Variants in CNTN4 observed in about 807,000 individuals in gnomAD.
The protein encoded by CNTN4 is contactin-4.
CNTN4 carries 77 observed loss-of-function variants against 122.5 expected under a neutral mutation model. That is an observed-to-expected ratio of 0.63 (90% confidence interval 0.52 to 0.76). The LOEUF is 0.76. Ranked by LOEUF, CNTN4 falls within the 30% of genes least tolerant of loss-of-function variation. The pLI is 0.00. For missense variants in CNTN4, 1,256 were observed against 1,259.1 expected, an observed-to-expected ratio of 1.00 and a Z score of 0.04; for synonymous variants, 512 against 447.0, an observed-to-expected ratio of 1.15 and a Z score of -1.83.
At chr3:2,484,878 G>C (rs920422222) in intron 3 of CNTN4, among the ~76,000 whole-genome samples, 2 of 152,214 alleles carry the variant, frequency 1.3e-5, no homozygotes, top group African/African-American at 4.8e-5. Flanking sequence ...GGCCGAGGCT[G>C]AGCCAGCTCC....
At chr3:2,731,414 G>A (rs1204337561) in intron 4 of CNTN4, among the ~76,000 whole-genome samples, 1 of 152,100 alleles carries the variant, frequency 6.6e-6, no homozygotes, top group Non-Finnish European at 1.5e-5. Context: ...TGATTGGCAG[G>A]TACCTAGTTA....
At position 2,591,563 on chromosome 3, in the gene CNTN4, A is replaced by G. The variant is rs1353931221; in HGVS notation, c.55+20005A>G. ...GTATTTTTAGTAGAGACGGGGTTTC[A>G]CCGTTTTAGCCAGGATGGTCTCGAT... On this transcript the variant is annotated intron_variant, in intron 4 of 24. Coordinates refer to ENST00000418658, the MANE Select transcript of CNTN4 (RefSeq NM_175607.3). Among the ~76,000 whole-genome samples the G allele has an allele frequency of 1.3e-4, 13 of 103,540 alleles. 3 individuals carry two copies. The South Asian group carries it at 5.2e-3, about 41-fold the overall frequency. 67.9% of individuals were successfully genotyped at this position (103,540 alleles called of 152,430 possible).
In CNTN4 at chr3:2,900,771, C is replaced by T; in HGVS notation, c.1027C>T (p.Pro343Ser). The change falls in exon 11 of 25, where the codon CCT becomes TCT. Residue 343 changes from proline (P) to serine (S), a missense_variant. Pro to Ser is a moderately conservative substitution (Grantham distance 74). Coordinates refer to ENST00000418658, the MANE Select transcript of CNTN4 (RefSeq NM_175607.3). Reference sequence around the variant, plus strand: ...TTGGGAATGTAAAGCAAATGGAAGGCCTAAGCCTACATACAAGTGGCTAAA... The same window carrying T: ...TTGGGAATGTAAAGCAAATGGAAGGTCTAAGCCTACATACAAGTGGCTAAA... The part of the protein sequence containing the change: ...VFWECKANGR[P>S]KPTYKWLKNG... 2 of 1,613,886 alleles carry T rather than the reference C, an allele frequency of 1.2e-6. No individual in the cohort carries two copies. The highest frequency in any genetic ancestry group is 1.1e-5 in the South Asian group (1 of 91,074).
chr3:2,792,789 G>T (rs1156755596), intron 6 of CNTN4, among the ~76,000 whole-genome samples: 1 of 152,094 alleles, frequency 6.6e-6, no homozygotes, highest in Non-Finnish European at 1.5e-5. Flanking sequence ...CCTTAGTTTA[G>T]GCTGTTTTGA....
At chr3:2,586,441 C>G (rs1004711716) in intron 4 of CNTN4, among the ~76,000 whole-genome samples, 1 of 152,084 alleles carries the variant, frequency 6.6e-6, no homozygotes, top group Admixed American at 6.6e-5. Context: ...GACAGGCACC[C>G]ACCACCACAC....
chr3:2,776,776 G>A (rs559301010), intron 6 of CNTN4, among the ~76,000 whole-genome samples: 2 of 152,110 alleles, frequency 1.3e-5, no homozygotes. Context: ...TATGTAATAA[G>A]TTTTTGCTGA....
chr3:2,345,433 T>C (rs1186638727), intron 3 of CNTN4, among the ~76,000 whole-genome samples: 1 of 152,200 alleles, frequency 6.6e-6, no homozygotes, highest in Non-Finnish European at 1.5e-5. Flanking sequence ...GAAAAATATG[T>C]ATATGAATTG....
At chr3:2,648,733 C>T (rs1013040475) in intron 4 of CNTN4, among the ~76,000 whole-genome samples, 4 of 152,126 alleles carry the variant, frequency 2.6e-5, no homozygotes, top group Non-Finnish European at 4.4e-5. Context: ...ACATCTTTCA[C>T]TTTGAATAAA....
chr3:2,681,287 T>G (rs1226368247), intron 4 of CNTN4, among the ~76,000 whole-genome samples: 2 of 152,210 alleles, frequency 1.3e-5, no homozygotes. Context: ...CCTAGAAGTT[T>G]AGAGTAGAGA....
At chr3:2,144,574 C>G (rs1004692510) in intron 2 of CNTN4, among the ~76,000 whole-genome samples, 8 of 152,112 alleles carry the variant, frequency 5.3e-5, no homozygotes, top group African/African-American at 1.9e-4. Flanking sequence ...TGACCCTTGC[C>G]TAACTATAGT....
intron 2 of CNTN4, among the ~76,000 whole-genome samples, chr3:2,285,745 T>C (rs2041878476): frequency 6.6e-6 from 1 of 152,130 alleles, no homozygotes; most frequent in South Asian, 2.1e-4. Context: ...TTTACTGAGA[T>C]TTGTTTTTTC....
intron 2 of CNTN4, among the ~76,000 whole-genome samples, chr3:2,192,524 T>C (rs1390520051): frequency 6.6e-6 from 1 of 152,164 alleles, no homozygotes; most frequent in Non-Finnish European, 1.5e-5. Flanking sequence ...AGAAAATTTT[T>C]GCAATCTACT....
intron 4 of CNTN4, among the ~76,000 whole-genome samples, chr3:2,572,133 A>T (rs553497397): frequency 6.6e-6 from 1 of 152,326 alleles, no homozygotes; most frequent in African/African-American, 2.4e-5. Flanking sequence ...CACACCATTA[A>T]TCCCAGCACT....
chr3:2,883,145 G>A lies in CNTN4; in HGVS notation c.653G>A (p.Gly218Glu). 1 of 1,606,266 alleles carries A rather than the reference G, an allele frequency of 6.2e-7. No homozygotes were observed. The highest frequency in any genetic ancestry group is 8.5e-7 in the Non-Finnish European group (1 of 1,173,126). The change falls in exon 9 of 25, where the codon GGA becomes GAA. Residue 218 changes from glycine (G) to glutamate (E), a missense_variant and splice_region_variant. Physicochemically the swap from Gly to Glu is moderately conservative, Grantham distance 98 (BLOSUM62 -2). Transcript: ENST00000418658. ...PPTPLILRND[G>E]VMGEYEPKIE... The stretch of plus-strand genomic sequence containing the variant: ...ACTTAGCCCCTTTATTTATTCACAG[G>A]AGTGATGGGTGAATATGAGCCCAAA...
At chr3:2,948,011 G>A (rs1203659398) in intron 13 of CNTN4, among the ~76,000 whole-genome samples, 3 of 152,120 alleles carry the variant, frequency 2.0e-5, no homozygotes, top group African/African-American at 7.2e-5. Context: ...AAACTCATAC[G>A]AGGGAAATGG....
chr3:3,013,711 A>T (rs1027756044), intron 14 of CNTN4, among the ~76,000 whole-genome samples: 1 of 151,278 alleles, frequency 6.6e-6, no homozygotes, highest in Non-Finnish European at 1.5e-5. Context: ...CTATGGAATG[A>T]TCTACAAATG....
chr3:2,330,683 G>A lies in CNTN4; in HGVS notation c.-144-8495G>A, dbSNP rs1575391800. 2.6e-5 allele frequency among the ~76,000 whole-genome samples: 4 copies of A among 152,218 alleles called. No homozygotes were observed. In the South Asian group the frequency reaches 8.3e-4, roughly 32 times the overall value. ...ACTCAGCTAGAAAGTGAAGAGCTGG[G>A]TTTTGAAAACCCAGATTCTGGACTC... is the stretch of plus-strand genomic sequence containing the variant. On this transcript the variant is annotated intron_variant, in intron 2 of 24. Transcript: ENST00000418658.
At position 2,976,593 on chromosome 3, in the gene CNTN4, A is replaced by C. The variant is rs536169899; in HGVS notation, c.1359-11752A>C. 1.9e-3 allele frequency among the ~76,000 whole-genome samples: 284 copies of C among 152,304 alleles called. 2 individuals carry two copies. In the Middle Eastern group the frequency reaches 0.02, roughly 11 times the overall value. On this transcript the variant is annotated intron_variant, in intron 13 of 24. Transcript: ENST00000418658. ...AGGAGGTGTCTTCCTATTGACCTAC[A>C]TTAAATTTGTTATCCAAAATACCTT...
At chr3:2,636,566 A>G (rs1365151050) in intron 4 of CNTN4, among the ~76,000 whole-genome samples, 2 of 152,166 alleles carry the variant, frequency 1.3e-5, no homozygotes, top group African/African-American at 2.4e-5. Context: ...GCATTTTTTT[A>G]TTGGATAATC....
Sources: gnomAD v4.1 joint callset for allele counts (sites outside exome capture counted in the v4.1 genomes callset) on GRCh38, gnomAD v4.1.1 for gene constraint, MANE v1.5 for transcripts, NCBI Gene and HGNC (gene_info 2026-07-23, HGNC 2026-07-21) for gene names.